Variants in PTPRT observed in about 807,000 individuals in gnomAD.
PTPRT encodes the protein receptor-type tyrosine-protein phosphatase T.
PTPRT carries 56 observed loss-of-function variants against 176.8 expected under a neutral mutation model. The ratio of observed to expected loss-of-function variants is 0.32; its 90% CI spans 0.26 to 0.40. The LOEUF (loss-of-function observed/expected upper bound fraction) is 0.40. PTPRT is among the 10% of genes least tolerant of loss of function. PTPRT has a pLI of 1.00. For missense variants in PTPRT, 1,540 were observed against 1,908.2 expected (o/e 0.81, Z 3.60); for synonymous variants, 783 against 739.0 (o/e 1.06, Z -0.96).
chr20:42,829,175 T>C (rs1283556284), intron 2 of PTPRT, among the ~76,000 whole-genome samples: 1 of 152,082 alleles, frequency 6.6e-6, no homozygotes, highest in Non-Finnish European at 1.5e-5. Flanking sequence ...GTAGATTATT[T>C]TGGAGCTTTA....
chr20:42,345,582 A>ATGTGTGTGTGTG (rs56310086), intron 11 of PTPRT, among the ~76,000 whole-genome samples: 8 of 94,644 alleles, frequency 8.5e-5, no homozygotes, highest in African/African-American at 2.5e-4. Context: ...ATACATATAT[A>ATGTGTGTGTGTG]TGTGTGTGTG....
chr20:42,346,372 T>C (rs2058195209), intron 11 of PTPRT, among the ~76,000 whole-genome samples: 1 of 152,144 alleles, frequency 6.6e-6, no homozygotes, highest in Admixed American at 6.6e-5. Flanking sequence ...CACACATCAG[T>C]GTGACAGGTG....
chr20:42,699,815 C>G (rs998043445), intron 6 of PTPRT, among the ~76,000 whole-genome samples: 1 of 152,146 alleles, frequency 6.6e-6, no homozygotes, highest in Non-Finnish European at 1.5e-5. Context: ...TCTGAATCGA[C>G]AAAATTTTTC....
chr20:42,943,611 T>C (rs1980706090), intron 1 of PTPRT, among the ~76,000 whole-genome samples: 1 of 152,166 alleles, frequency 6.6e-6, no homozygotes, highest in African/African-American at 2.4e-5. Context: ...CAACTCAGCC[T>C]GAATCTTTCA....
At chr20:42,548,041 C>G (rs987118962) in intron 7 of PTPRT, among the ~76,000 whole-genome samples, 1 of 151,956 alleles carries the variant, frequency 6.6e-6, no homozygotes. Flanking sequence ...ATGAAGACAA[C>G]TTTTTAAAAA....
At chr20:42,612,329 A>C (rs1347772394) in intron 7 of PTPRT, among the ~76,000 whole-genome samples, 2 of 152,116 alleles carry the variant, frequency 1.3e-5, no homozygotes, top group Non-Finnish European at 2.9e-5. Context: ...CAGTTTACAA[A>C]TTTTCTGTCA....
intron 1 of PTPRT, among the ~76,000 whole-genome samples, chr20:43,188,951 C>T (rs1337295814): frequency 6.6e-6 from 1 of 152,198 alleles, no homozygotes; most frequent in African/African-American, 2.4e-5. Flanking sequence ...TATGAGTTCC[C>T]CGAACTTTTC....
chr20:42,819,952 C>G (rs987089343), intron 2 of PTPRT, among the ~76,000 whole-genome samples: 1 of 152,092 alleles, frequency 6.6e-6, no homozygotes. Flanking sequence ...GACTCAGATT[C>G]CCACACAATA....
chr20:42,136,776 T>A (rs1988398877), intron 18 of PTPRT, among the ~76,000 whole-genome samples: 2 of 152,174 alleles, frequency 1.3e-5, no homozygotes, highest in Admixed American at 6.5e-5. Flanking sequence ...AAGTAGTTGT[T>A]GTCGGGGGGT....
In PTPRT at chr20:43,095,626, C is replaced by G. The variant is rs558445133; in HGVS notation, c.88+94020G>C. ...TCTCTCTCATCTCTCTCTCCCCCACCGATCTCTCTCCCTGACTCTCTCCCA... is the reference window on the plus strand; with the variant it reads ...TCTCTCTCATCTCTCTCTCCCCCACGGATCTCTCTCCCTGACTCTCTCCCA... On this transcript the variant is annotated intron_variant, in intron 1 of 30. Transcript: ENST00000373187. 2.9e-3 allele frequency among the ~76,000 whole-genome samples: 440 copies of G among 151,204 alleles called. 2 individuals carry two copies. Among genetic ancestry groups the G allele is most frequent in the African/African-American group, 0.01 (425 of 41,170 alleles).
intron 16 of PTPRT, among the ~76,000 whole-genome samples, chr20:42,198,514 CT>C (rs1344733833): frequency 6.6e-6 from 1 of 152,190 alleles, no homozygotes; most frequent in African/African-American, 2.4e-5. Context: ...TGTTAACTGT[CT>C]GATAGAATGG....
chr20:42,862,197 G>A (rs1160549371), intron 2 of PTPRT, among the ~76,000 whole-genome samples: 1 of 152,086 alleles, frequency 6.6e-6, no homozygotes, highest in Non-Finnish European at 1.5e-5. Flanking sequence ...TTCAAGTGCT[G>A]GAGGCCACTG....
intron 9 of PTPRT, among the ~76,000 whole-genome samples, chr20:42,367,019 T>G (rs1486032235): frequency 2.6e-5 from 4 of 152,220 alleles, no homozygotes; most frequent in Non-Finnish European, 5.9e-5. Flanking sequence ...CCGCATTTTA[T>G]TTGGGAAGGG....
At position 42,229,283 on chromosome 20, in the gene PTPRT, C is replaced by G. The variant is rs141821593; in HGVS notation, c.2342+6946G>C. On this transcript the variant is annotated intron_variant, in intron 15 of 30. Transcript: ENST00000373187. ...AGGAATCAGACTTCCCACCAAGGTT[C>G]TCCTCTTGGCTGAAGAGCCACACTG... Among the ~76,000 whole-genome samples the G allele has an allele frequency of 2.8e-3, 425 of 152,328 alleles. 3 individuals are homozygous for G. The highest frequency in any genetic ancestry group is 4.3e-3 in the Non-Finnish European group (290 of 68,026).
At chr20:42,221,622 C>T (rs6030060) in intron 15 of PTPRT, among the ~76,000 whole-genome samples, 28,766 of 151,296 alleles carry the variant, frequency 0.19, 3,385 homozygotes, top group African/African-American at 0.34. Context: ...CAGGTTCAAG[C>T]GATTTTCATG....
Position 43,180,341 on chromosome 20 carries a change from A to C in PTPRT, c.88+9305T>G, listed in dbSNP as rs1436646938. On this transcript the variant is annotated intron_variant, in intron 1 of 30. Coordinates refer to ENST00000373187, the MANE Select transcript of PTPRT (RefSeq NM_007050.6). ...GCCAATTCCTATAAGAAATGAATCA[A>C]TCTCTCTCTCTCTCTCTCTCTCTCT... Among the ~76,000 whole-genome samples, 294 of 115,050 alleles carry C rather than the reference A, an allele frequency of 2.6e-3. 1 individual carries two copies. The highest frequency in any genetic ancestry group is 9.5e-3 in the Middle Eastern group (2 of 210). The allele number at this position is 115,050 out of a possible 152,430, so 75.5% of individuals were successfully genotyped here.
At chr20:43,027,367 T>C (rs1704871068) in intron 1 of PTPRT, among the ~76,000 whole-genome samples, 1 of 151,626 alleles carries the variant, frequency 6.6e-6, no homozygotes, top group South Asian at 2.1e-4. Flanking sequence ...TCCCAGCTAC[T>C]TGGGAGGCTG....
At chr20:42,552,765 C>T (rs2093675526) in intron 7 of PTPRT, among the ~76,000 whole-genome samples, 1 of 151,730 alleles carries the variant, frequency 6.6e-6, no homozygotes, top group Non-Finnish European at 1.5e-5. Context: ...TGAGTATCCC[C>T]AAAGAAAAAT....
chr20:42,344,614 T>G (rs2058160461), intron 11 of PTPRT, among the ~76,000 whole-genome samples: 1 of 152,150 alleles, frequency 6.6e-6, no homozygotes. Context: ...GTCCTGGATG[T>G]GGCCAGTGTG....
Sources: allele counts gnomAD v4.1 joint callset (sites outside exome capture counted in the v4.1 genomes callset), GRCh38; gene constraint gnomAD v4.1.1; transcripts MANE v1.5; gene names NCBI Gene and HGNC (gene_info 2026-07-23, HGNC 2026-07-21).